Variants in BABAM2 observed in about 807,000 individuals in gnomAD.
BABAM2 encodes the protein BRISC and BRCA1-A complex member 2.
In BABAM2, 31 loss-of-function variants were observed where a neutral mutation model predicts 54.7. The ratio of observed to expected loss-of-function variants is 0.57; its 90% confidence interval spans 0.43 to 0.77. The LOEUF is 0.77. Among genes scored for constraint, BABAM2 ranks in the 30% least tolerant of loss-of-function variants. The pLI is 0.00. For synonymous variants in BABAM2, 167 were observed against 162.9 expected, an observed-to-expected ratio of 1.03 and a Z score of -0.19; for missense variants, 364 against 455.8, an observed-to-expected ratio of 0.80 and a Z score of 1.83.
intron 7 of BABAM2, chr2:28,233,352 C>A: frequency 2.2e-6 from 1 of 453,186 alleles, no homozygotes; most frequent in Non-Finnish European, 4.5e-6. Flanking sequence ...AATCTCTGCA[C>A]AGGGTGAGTT....
At chr2:27,927,494 A>G (rs1573187189) in intron 2 of BABAM2, among the ~76,000 whole-genome samples, 1 of 152,216 alleles carries the variant, frequency 6.6e-6, no homozygotes, top group East Asian at 1.9e-4. Flanking sequence ...GCATGCTCAT[A>G]ATGACATGAT....
At chr2:28,090,157 G>T (rs970275468) in intron 6 of BABAM2, among the ~76,000 whole-genome samples, 1 of 152,122 alleles carries the variant, frequency 6.6e-6, no homozygotes, top group Non-Finnish European at 1.5e-5. Flanking sequence ...ATGAGTAAAA[G>T]GTAGTAATCA....
chr2:28,177,442 A>G (rs924389944), intron 7 of BABAM2, among the ~76,000 whole-genome samples: 1 of 148,512 alleles, frequency 6.7e-6, no homozygotes, highest in Admixed American at 6.6e-5. Context: ...GACAATATCT[A>G]TCATCATGAA....
intron 3 of BABAM2, among the ~76,000 whole-genome samples, chr2:27,962,799 C>T (rs538882416): frequency 1.1e-4 from 16 of 152,158 alleles, no homozygotes; most frequent in South Asian, 8.3e-4. Flanking sequence ...AGCTAAAGAC[C>T]ATTTGATGTC....
chr2:28,312,832 G>A (rs373968330), intron 11 of BABAM2, among the ~76,000 whole-genome samples: 27 of 152,112 alleles, frequency 1.8e-4, no homozygotes, highest in Admixed American at 8.5e-4. Flanking sequence ...TGAAATAATC[G>A]ATATAGACCT....
At chr2:28,065,228 C>G (rs1679215200) in intron 6 of BABAM2, among the ~76,000 whole-genome samples, 1 of 152,142 alleles carries the variant, frequency 6.6e-6, no homozygotes, top group Non-Finnish European at 1.5e-5. Flanking sequence ...CCACTATCAC[C>G]TCTTCTCACT....
At chr2:28,001,467 C>T (rs1339782587) in intron 4 of BABAM2, among the ~76,000 whole-genome samples, 1 of 152,130 alleles carries the variant, frequency 6.6e-6, no homozygotes, top group African/African-American at 2.4e-5. Flanking sequence ...CATGCTCACA[C>T]TTTAGTAGTG....
chr2:28,237,317 C>G lies in BABAM2; in HGVS notation c.780+16C>G, dbSNP rs764786351. Reference sequence around the variant, plus strand: ...CACCAACAAGGTAAAAGCAAGTCCCCAACTCATCCCTCTTATGAGATTTCT... The same window carrying G: ...CACCAACAAGGTAAAAGCAAGTCCCGAACTCATCCCTCTTATGAGATTTCT... On this transcript the variant is annotated intron_variant, in intron 8 of 11. Transcript: ENST00000379624. 1 of 1,589,704 alleles carries G rather than the reference C, an allele frequency of 6.3e-7. No individual in the cohort carries two copies. Among genetic ancestry groups the G allele is most frequent in the South Asian group, 1.1e-5 (1 of 90,504 alleles).
chr2:28,080,362 A>G (rs1251361370), intron 6 of BABAM2, among the ~76,000 whole-genome samples: 1 of 152,220 alleles, frequency 6.6e-6, no homozygotes. Context: ...CCTTAAATGA[A>G]AACAGATTAT....
At chr2:28,129,772 G>A (rs906801850) in intron 7 of BABAM2, among the ~76,000 whole-genome samples, 7 of 152,288 alleles carry the variant, frequency 4.6e-5, no homozygotes, top group Admixed American at 3.3e-4. Flanking sequence ...AATGTAACTA[G>A]CCTCTTCAAA....
intron 10 of BABAM2, among the ~76,000 whole-genome samples, chr2:28,270,078 C>T (rs1317935438): frequency 4.6e-5 from 7 of 152,034 alleles, no homozygotes; most frequent in Non-Finnish European, 1.0e-4. Context: ...CCTGTTGGGC[C>T]AAACACTGTA....
chr2:27,931,847 C>G (rs186843253), intron 3 of BABAM2, among the ~76,000 whole-genome samples: 1 of 151,778 alleles, frequency 6.6e-6, no homozygotes, highest in East Asian at 1.9e-4. Flanking sequence ...TAGCCCCTGC[C>G]CTTCCTTCAA....
intron 6 of BABAM2, among the ~76,000 whole-genome samples, chr2:28,097,824 G>A (rs943316070): frequency 3.9e-5 from 6 of 152,100 alleles, no homozygotes; most frequent in Admixed American, 2.0e-4. Flanking sequence ...TAACTTACTC[G>A]TTGTCTTACT....
chr2:28,161,126 G>A (rs1208325584), intron 7 of BABAM2, among the ~76,000 whole-genome samples: 1 of 152,152 alleles, frequency 6.6e-6, no homozygotes, highest in East Asian at 1.9e-4. Context: ...CCAGCCAGAC[G>A]TCTTCAGGGA....
chr2:28,107,141 C>T (rs1667596464), intron 6 of BABAM2, among the ~76,000 whole-genome samples: 1 of 152,138 alleles, frequency 6.6e-6, no homozygotes, highest in South Asian at 2.1e-4. Flanking sequence ...CTGCCCCCTC[C>T]CTTGGGTGTG....
chr2:28,051,460 G>A (rs563587259), intron 6 of BABAM2, among the ~76,000 whole-genome samples: 2 of 152,160 alleles, frequency 1.3e-5, no homozygotes, highest in Non-Finnish European at 2.9e-5. Flanking sequence ...TTGATTATTG[G>A]CAGCTAGAAT....
chr2:28,286,247 C>A (rs1406343775), intron 10 of BABAM2, among the ~76,000 whole-genome samples: 4 of 152,140 alleles, frequency 2.6e-5, no homozygotes, highest in African/African-American at 7.2e-5. Context: ...AGCCACCGCG[C>A]CTGGCCTTAT....
intron 10 of BABAM2, among the ~76,000 whole-genome samples, chr2:28,277,691 C>A (rs1394651110): frequency 6.6e-6 from 1 of 152,186 alleles, no homozygotes; most frequent in African/African-American, 2.4e-5. Context: ...AGCACTATTA[C>A]CAAGAGCGTT....
chr2:28,313,180 A>G (rs1689232164), intron 11 of BABAM2, among the ~76,000 whole-genome samples: 1 of 152,310 alleles, frequency 6.6e-6, no homozygotes. Context: ...GGTGTTTGTG[A>G]GCAGAAATAA....
Sources: gnomAD v4.1 joint callset for allele counts (sites outside exome capture counted in the v4.1 genomes callset) on GRCh38, gnomAD v4.1.1 for gene constraint, MANE v1.5 for transcripts, NCBI Gene and HGNC (gene_info 2026-07-23, HGNC 2026-07-21) for gene names.